The following TLL1 variants were observed in gnomAD, a reference collection of about 807,000 sequenced individuals.
TLL1 encodes tolloid-like protein 1.
TLL1 carries 49 observed loss-of-function variants against 128.2 expected under a neutral mutation model. The observed-to-expected ratio is 0.38, with a 90% CI of 0.30 to 0.48. TLL1 has a LOEUF of 0.48. Among genes scored for constraint, TLL1 ranks in the 20% least tolerant of loss-of-function variants. TLL1 has a pLI of 0.96. For missense variants in TLL1, 1,123 were observed against 1,242.0 expected, an observed-to-expected ratio of 0.90 and a Z score of 1.44; for synonymous variants, 454 against 418.8, an observed-to-expected ratio of 1.08 and a Z score of -1.03.
intron 1 of TLL1, among the ~76,000 whole-genome samples, chr4:165,979,971 A>T (rs1278084760): frequency 6.6e-6 from 1 of 152,140 alleles, no homozygotes; most frequent in Admixed American, 6.5e-5. Context: ...TGAACGTGAC[A>T]ATCAGAAAGG....
At chr4:166,089,854 G>A (rs553576217) in intron 18 of TLL1, among the ~76,000 whole-genome samples, 4 of 151,816 alleles carry the variant, frequency 2.6e-5, no homozygotes, top group African/African-American at 4.8e-5. Context: ...TCTTTCTTCC[G>A]TTAAGTAACT....
chr4:165,878,079 G>A (rs1730800626), intron 1 of TLL1, among the ~76,000 whole-genome samples: 1 of 152,114 alleles, frequency 6.6e-6, no homozygotes, highest in Admixed American at 6.6e-5. Context: ...GTGCCCCAGT[G>A]TCCTAGTATG....
intron 18 of TLL1, among the ~76,000 whole-genome samples, chr4:166,080,275 A>G (rs1456805425): frequency 6.6e-6 from 1 of 152,072 alleles, no homozygotes; most frequent in Non-Finnish European, 1.5e-5. Context: ...TACCAGCCCT[A>G]TAGGATTAGG....
intron 18 of TLL1, among the ~76,000 whole-genome samples, chr4:166,082,295 A>G (rs1741318008): frequency 6.6e-6 from 1 of 152,142 alleles, no homozygotes. Flanking sequence ...CTGACTCTCA[A>G]TATCATCCTA....
chr4:165,958,723 C>A (rs1478283244), intron 1 of TLL1, among the ~76,000 whole-genome samples: 1 of 144,076 alleles, frequency 6.9e-6, no homozygotes, highest in Non-Finnish European at 1.5e-5. Flanking sequence ...TAATTAGATC[C>A]CATTTGTCAA....
chr4:165,924,965 T>C (rs1733202813), intron 1 of TLL1, among the ~76,000 whole-genome samples: 1 of 152,198 alleles, frequency 6.6e-6, no homozygotes, highest in Non-Finnish European at 1.5e-5. Flanking sequence ...TACAGCATGG[T>C]TTATTGAATA....
chr4:165,933,407 G>A (rs1167475196), intron 1 of TLL1, among the ~76,000 whole-genome samples: 3 of 152,072 alleles, frequency 2.0e-5, no homozygotes, highest in Admixed American at 2.0e-4. Flanking sequence ...ATGGAAATCA[G>A]GGATGATGGG....
chr4:166,020,436 C>G (rs73863524), intron 8 of TLL1, among the ~76,000 whole-genome samples: 1 of 152,236 alleles, frequency 6.6e-6, no homozygotes, highest in African/African-American at 2.4e-5. Flanking sequence ...CAATAATTAG[C>G]AGTTTATTTG....
At chr4:165,909,186 CA>C (rs577022043) in intron 1 of TLL1, among the ~76,000 whole-genome samples, 1 of 145,546 alleles carries the variant, frequency 6.9e-6, no homozygotes. Flanking sequence ...GACTCCGTCT[CA>C]AAAAAAAAGA....
Position 166,065,576 on chromosome 4 carries a change from G to A in TLL1, c.2008-107G>A, listed in dbSNP as rs915564797. On this transcript the variant is annotated intron_variant, in intron 15 of 20. Transcript: ENST00000061240. ...TTTCCTTACCTGTTAGTTCTAGTTT[G>A]ACTACCGTAAGAGTAAAATGGGAAA... 11 of 1,238,836 alleles carry A rather than the reference G, an allele frequency of 8.9e-6. No individual in the cohort carries two copies. In the Admixed American group the frequency reaches 1.2e-4, roughly 13 times the overall value. The allele number at this position is 1,238,836 out of a possible 1,614,324, so 76.7% of individuals were successfully genotyped here. A position where few individuals can be genotyped will look rare whatever the true frequency, so the allele number is the denominator to read the frequency against.
chr4:165,992,150 A>C (rs970202803), intron 2 of TLL1, among the ~76,000 whole-genome samples: 4 of 151,720 alleles, frequency 2.6e-5, no homozygotes, highest in Admixed American at 6.6e-5. Flanking sequence ...CTTTTTTTAC[A>C]CTCTGTTTTT....
chr4:165,987,525 A>C (rs1280783798), intron 1 of TLL1, among the ~76,000 whole-genome samples: 1 of 152,082 alleles, frequency 6.6e-6, no homozygotes, highest in African/African-American at 2.4e-5. Flanking sequence ...CTTTGCTGCT[A>C]TGAGAGTAAA....
chr4:165,898,393 A>T (rs1731790276), intron 1 of TLL1, among the ~76,000 whole-genome samples: 1 of 152,186 alleles, frequency 6.6e-6, no homozygotes, highest in Non-Finnish European at 1.5e-5. Context: ...TATTATTTTG[A>T]GATACATTCC....
chr4:166,051,295 C>CTCCTTTCCT (rs1473820684), intron 12 of TLL1, among the ~76,000 whole-genome samples: 1 of 131,504 alleles, frequency 7.6e-6, no homozygotes, highest in African/African-American at 3.2e-5. Context: ...TCTTCCCTCC[C>CTCCTTTCCT]TCCTTTCCTT....
intron 1 of TLL1, among the ~76,000 whole-genome samples, chr4:165,884,560 G>A (rs565140841): frequency 6.6e-6 from 1 of 152,300 alleles, no homozygotes; most frequent in Non-Finnish European, 1.5e-5. Flanking sequence ...TTGTGGCTGG[G>A]CGCAGTGGCT....
intron 1 of TLL1, among the ~76,000 whole-genome samples, chr4:165,926,259 T>C (rs1431547873): frequency 6.6e-6 from 1 of 152,218 alleles, no homozygotes; most frequent in African/African-American, 2.4e-5. Context: ...TCCATCTATC[T>C]ATTTTTTGAC....
intron 19 of TLL1, among the ~76,000 whole-genome samples, chr4:166,096,283 G>A (rs375173453): frequency 2.6e-5 from 4 of 151,582 alleles, no homozygotes; most frequent in South Asian, 4.2e-4. Context: ...TAGTTTGAGC[G>A]GTGATCCATA....
chr4:166,027,421 T>A (rs1458835033), intron 9 of TLL1, among the ~76,000 whole-genome samples: 2 of 152,196 alleles, frequency 1.3e-5, no homozygotes, highest in Non-Finnish European at 2.9e-5. Flanking sequence ...TAGGAGATAA[T>A]CATGGGTATG....
Position 166,057,153 on chromosome 4 carries a change from AGTT to A in TLL1, c.1721-27_1721-25del, listed in dbSNP as rs766560104. 2.5e-6 allele frequency: 4 copies of A among 1,612,834 alleles called. No individual in the cohort carries two copies. The East Asian group carries it at 8.9e-5, about 36-fold the overall frequency. ...CATACATACACACATATATATGTAT[AGTT>A]GTTCTATAACTATGACCATTTTCAT... On this transcript the variant is annotated intron_variant, in intron 13 of 20. Coordinates refer to ENST00000061240, the MANE Select transcript of TLL1 (RefSeq NM_012464.5).
Sources: allele counts gnomAD v4.1 joint callset (sites outside exome capture counted in the v4.1 genomes callset), GRCh38; gene constraint gnomAD v4.1.1; transcripts MANE v1.5; gene names NCBI Gene and HGNC (gene_info 2026-07-23, HGNC 2026-07-21).